SPAG16: variants seen among roughly 807,000 people sequenced by gnomAD.
The protein encoded by SPAG16 is sperm associated antigen 16, also known as sperm-associated antigen 16 protein.
A neutral mutation model predicts 80.4 loss-of-function variants in SPAG16; 86 were observed. The ratio of observed to expected loss-of-function variants is 1.07; its 90% CI spans 0.90 to 1.28. SPAG16 has a LOEUF of 1.28. SPAG16 is among the 50% of genes most tolerant of loss of function. The probability of loss-of-function intolerance (pLI) is 0.00; values close to 1 mark genes in which losing one functional copy is unlikely to be tolerated. For synonymous variants in SPAG16, 294 were observed against 265.9 expected (o/e 1.11, Z -1.03); for missense variants, 870 against 765.3 (o/e 1.14, Z -1.61).
chr2:213,413,429 T>C (rs1362828939), intron 9 of SPAG16, among the ~76,000 whole-genome samples: 2 of 152,140 alleles, frequency 1.3e-5, no homozygotes, highest in Non-Finnish European at 2.9e-5. Flanking sequence ...TGTGTATATC[T>C]ACAAATTAAT....
intron 10 of SPAG16, among the ~76,000 whole-genome samples, chr2:213,605,037 T>C (rs1344271051): frequency 6.6e-6 from 1 of 151,454 alleles, no homozygotes; most frequent in African/African-American, 2.4e-5. Context: ...CCTTTCTCTC[T>C]GTGTGTGCAT....
At chr2:214,026,922 T>C (rs979251094) in intron 13 of SPAG16, among the ~76,000 whole-genome samples, 3 of 151,642 alleles carry the variant, frequency 2.0e-5, no homozygotes, top group African/African-American at 7.2e-5. Flanking sequence ...CCTTCAGCCT[T>C]TCCCCATTTT....
Position 213,529,792 on chromosome 2 carries a change from TG to T in SPAG16, c.1070+39704del, listed in dbSNP as rs1261246720. ...ACCTGTGCAGATCACTTCCCATGAA[TG>T]GAGCATGCAAACTGGAAGTTGCTCA... On this transcript the variant is annotated intron_variant, in intron 10 of 15. Transcript: ENST00000331683. Among the ~76,000 whole-genome samples the T allele has an allele frequency of 3.3e-5, 5 of 152,246 alleles. No homozygotes were observed. The East Asian group carries it at 9.6e-4, about 29-fold the overall frequency.
intron 15 of SPAG16, among the ~76,000 whole-genome samples, chr2:214,180,435 T>C (rs954691506): frequency 1.3e-5 from 2 of 151,702 alleles, no homozygotes; most frequent in Non-Finnish European, 3.0e-5. Context: ...CTCAGATATA[T>C]AGTCCTGTTA....
At chr2:213,712,595 G>A (rs2066049083) in intron 10 of SPAG16, among the ~76,000 whole-genome samples, 1 of 152,126 alleles carries the variant, frequency 6.6e-6, no homozygotes, top group African/African-American at 2.4e-5. Flanking sequence ...GTATTTGAAA[G>A]ATATAATTTC....
intron 12 of SPAG16, among the ~76,000 whole-genome samples, chr2:213,986,312 T>C (rs1477027793): frequency 6.6e-6 from 1 of 152,114 alleles, no homozygotes; most frequent in African/African-American, 2.4e-5. Flanking sequence ...GGCTGGACTA[T>C]ATTTTTCCCA....
At chr2:213,446,175 A>T (rs2071298458) in intron 9 of SPAG16, among the ~76,000 whole-genome samples, 1 of 152,142 alleles carries the variant, frequency 6.6e-6, no homozygotes, top group South Asian at 2.1e-4. Flanking sequence ...AACTCTGGCA[A>T]CTCTTAAAGC....
At chr2:214,026,401 TAAC>T (rs1248126780) in intron 13 of SPAG16, among the ~76,000 whole-genome samples, 1 of 151,486 alleles carries the variant, frequency 6.6e-6, no homozygotes, top group Non-Finnish European at 1.5e-5. Flanking sequence ...AAGTGCAAAT[TAAC>T]AATATCAACA....
At chr2:213,629,511 A>G (rs1345216860) in intron 10 of SPAG16, among the ~76,000 whole-genome samples, 1 of 152,230 alleles carries the variant, frequency 6.6e-6, no homozygotes, top group African/African-American at 2.4e-5. Flanking sequence ...GATTGGTGGC[A>G]TAATTTAGAG....
intron 15 of SPAG16, among the ~76,000 whole-genome samples, chr2:214,370,312 T>C (rs1699729801): frequency 6.6e-6 from 1 of 152,162 alleles, no homozygotes; most frequent in South Asian, 2.1e-4. Flanking sequence ...TTAAAGTTAT[T>C]GCTATGTGTC....
intron 9 of SPAG16, among the ~76,000 whole-genome samples, chr2:213,417,936 C>T (rs749538780): frequency 1.3e-5 from 2 of 151,080 alleles, no homozygotes; most frequent in Non-Finnish European, 2.9e-5. Context: ...TGCAGTGGCA[C>T]GATCTCGGCT....
In SPAG16 at chr2:213,860,460, CAGATATATCTATCTATATA is replaced by C. The variant is rs1559529518; in HGVS notation, c.1071-2024_1071-2006del. On this transcript the variant is annotated intron_variant, in intron 10 of 15. Transcript: ENST00000331683. ...ATTTATAGATATATGTATATATATA[CAGATATATCTATCTATATA>C]TATATATACACACATATGTGTGTGT... Among the ~76,000 whole-genome samples, 85 of 131,594 alleles carry C rather than the reference CAGATATATCTATCTATATA, an allele frequency of 6.5e-4. 1 individual carries two copies. In the South Asian group the frequency reaches 7.9e-3, roughly 12 times the overall value. 86.3% of individuals were successfully genotyped at this position (131,594 alleles called of 152,430 possible).
chr2:213,731,224 T>C (rs1283965684), intron 10 of SPAG16, among the ~76,000 whole-genome samples: 2 of 144,978 alleles, frequency 1.4e-5, no homozygotes, highest in Non-Finnish European at 3.0e-5. Flanking sequence ...TGGCGCGATC[T>C]CAGCTCACTG....
At chr2:213,983,216 T>C (rs992965098) in intron 12 of SPAG16, among the ~76,000 whole-genome samples, 4 of 151,962 alleles carry the variant, frequency 2.6e-5, no homozygotes, top group Non-Finnish European at 4.4e-5. Flanking sequence ...GATAACATTA[T>C]TTGGAAATGC....
At chr2:213,590,232 G>C (rs918060995) in intron 10 of SPAG16, among the ~76,000 whole-genome samples, 2 of 152,056 alleles carry the variant, frequency 1.3e-5, no homozygotes, top group African/African-American at 4.8e-5. Flanking sequence ...AGGTTCAGTG[G>C]GTACACATGT....
chr2:213,358,575 C>T (rs568908490), intron 7 of SPAG16, among the ~76,000 whole-genome samples: 2 of 152,320 alleles, frequency 1.3e-5, no homozygotes, highest in African/African-American at 4.8e-5. Context: ...GCATGCATCA[C>T]AACGTTTTCG....
At chr2:214,272,301 T>A (rs533284854) in intron 15 of SPAG16, among the ~76,000 whole-genome samples, 1 of 152,292 alleles carries the variant, frequency 6.6e-6, no homozygotes, top group East Asian at 1.9e-4. Context: ...GGTGGAAATT[T>A]TTTTTTTATT....
At chr2:213,876,164 T>A (rs4672687) in intron 11 of SPAG16, among the ~76,000 whole-genome samples, 52,084 of 151,920 alleles carry the variant, frequency 0.34, 9,413 homozygotes, top group South Asian at 0.47. Context: ...TTAATGGCAG[T>A]AAATGACATT....
At chr2:213,874,917 T>C (rs1246901327) in intron 11 of SPAG16, among the ~76,000 whole-genome samples, 2 of 152,192 alleles carry the variant, frequency 1.3e-5, no homozygotes, top group Admixed American at 1.3e-4. Context: ...CCCAGAAAAG[T>C]CCCAGTTTAT....
Sources: gnomAD v4.1 joint callset for allele counts (sites outside exome capture counted in the v4.1 genomes callset) on GRCh38, gnomAD v4.1.1 for gene constraint, MANE v1.5 for transcripts, NCBI Gene and HGNC (gene_info 2026-07-23, HGNC 2026-07-21) for gene names.